The following SNAPC3 variants were observed in gnomAD, a reference collection of about 807,000 sequenced individuals.
SNAPC3 encodes snRNA-activating protein complex subunit 3.
A neutral mutation model predicts 47.7 loss-of-function variants in SNAPC3; 56 were observed. The ratio of observed to expected loss-of-function variants is 1.18; its 90% CI spans 0.95 to 1.47. SNAPC3 has a LOEUF of 1.47. SNAPC3 is among the 40% of genes most tolerant of loss of function. The pLI is 0.00. For synonymous variants in SNAPC3, 235 were observed against 189.9 expected (o/e 1.24, Z -1.95); for missense variants, 665 against 511.3 (o/e 1.30, Z -2.90).
intron 5 of SNAPC3, among the ~76,000 whole-genome samples, chr9:15,448,736 T>C (rs2034134434): frequency 6.6e-6 from 1 of 152,228 alleles, no homozygotes; most frequent in Non-Finnish European, 1.5e-5. Context: ...GCCATCTCAG[T>C]GCTTTTGGAG....
chr9:15,438,752 T>C (rs2033055018), intron 3 of SNAPC3, among the ~76,000 whole-genome samples: 1 of 152,184 alleles, frequency 6.6e-6, no homozygotes, highest in African/African-American at 2.4e-5. Flanking sequence ...TTTAATTTTT[T>C]TTAATTTAAG....
chr9:15,431,373 T>C (rs1284135921), intron 2 of SNAPC3, among the ~76,000 whole-genome samples: 1 of 152,200 alleles, frequency 6.6e-6, no homozygotes, highest in Admixed American at 6.5e-5. Flanking sequence ...CTGTTTGCTA[T>C]TATTCTATAC....
rs1282453548 is a variant in SNAPC3 at position 15,423,052 on chromosome 9, C to T, written c.173C>T (p.Ala58Val). Residue 58 changes from alanine (A) to valine (V), a missense_variant, in exon 1 of 9, where the codon GCC becomes GTC. By Grantham distance (64) the Ala-to-Val change is moderately conservative. Coordinates refer to ENST00000380821, the MANE Select transcript of SNAPC3 (RefSeq NM_001039697.2). ...GELWRGRLRG[A>V]GDLSLREPPA... ...CTGTGGCGGGGCCGTCTGCGCGGGGCCGGGGACTTGTCGCTGAGGGAGCCG... is the reference window on the plus strand; with the variant it reads ...CTGTGGCGGGGCCGTCTGCGCGGGGTCGGGGACTTGTCGCTGAGGGAGCCG... 1.3e-6 allele frequency: 2 copies of T among 1,517,576 alleles called. No individual in the cohort carries two copies. The highest frequency in any genetic ancestry group is 1.8e-6 in the Non-Finnish European group (2 of 1,140,632). 94.0% of individuals were successfully genotyped at this position (1,517,576 alleles called of 1,614,324 possible).
chr9:15,428,292 T>C (rs998393604), intron 2 of SNAPC3, among the ~76,000 whole-genome samples: 4 of 151,850 alleles, frequency 2.6e-5, no homozygotes, highest in African/African-American at 9.7e-5. Context: ...AATCAGGAAA[T>C]AACTGTTTAT....
chr9:15,464,741 A>G (rs1030110753), downstream of SNAPC3: 12 of 204,534 alleles, frequency 5.9e-5, no homozygotes, highest in South Asian at 9.4e-4. Context: ...GCCTGCCTAT[A>G]AAAGGACCTT....
chr9:15,443,051 A>G (rs906945317), intron 3 of SNAPC3, among the ~76,000 whole-genome samples: 2 of 152,208 alleles, frequency 1.3e-5, no homozygotes, highest in African/African-American at 2.4e-5. Context: ...CGCACCCGCA[A>G]TCCCAGGCAC....
intron 3 of SNAPC3, among the ~76,000 whole-genome samples, chr9:15,441,294 T>A (rs1250399648): frequency 6.6e-6 from 1 of 151,746 alleles, no homozygotes; most frequent in East Asian, 1.9e-4. Context: ...GTAGTTCTAC[T>A]TTTAATTTTT....
At chr9:15,435,762 T>A (rs1363208129) in intron 3 of SNAPC3, among the ~76,000 whole-genome samples, 1 of 151,590 alleles carries the variant, frequency 6.6e-6, no homozygotes, top group East Asian at 1.9e-4. Context: ...TTGTATATTC[T>A]GGATTCTAGA....
rs1224903637 is a variant in SNAPC3 at position 15,459,718 on chromosome 9, G to A, written c.1089-1G>A. On this transcript the variant is annotated splice_acceptor_variant, in intron 8 of 8. Transcript: ENST00000380821. LOFTEE classifies it high-confidence loss of function. The stretch of plus-strand genomic sequence containing the variant: ...TGTACTTCTTTTTTTAAAAACTACA[G>A]ATGGGTGACGAACAATGACAGTTTT... 2.5e-6 allele frequency: 4 copies of A among 1,611,634 alleles called. No homozygotes were observed. The Admixed American group carries it at 6.7e-5, about 27-fold the overall frequency.
intron 6 of SNAPC3, among the ~76,000 whole-genome samples, chr9:15,452,688 C>T (rs552724584): frequency 1.2e-4 from 18 of 152,228 alleles, no homozygotes; most frequent in Non-Finnish European, 2.4e-4. Flanking sequence ...ATAACTATCA[C>T]TATTTATAAT....
intron 5 of SNAPC3, among the ~76,000 whole-genome samples, chr9:15,448,261 G>A (rs1015634469): frequency 2.0e-5 from 3 of 151,916 alleles, no homozygotes; most frequent in African/African-American, 7.3e-5. Flanking sequence ...TCCCTAGGCT[G>A]ACATATAAGG....
At chr9:15,433,993 T>A (rs2032492345) in intron 3 of SNAPC3, among the ~76,000 whole-genome samples, 1 of 152,220 alleles carries the variant, frequency 6.6e-6, no homozygotes, top group East Asian at 1.9e-4. Context: ...TGTAAAACTT[T>A]GGGAAAATTT....
chr9:15,437,069 C>T (rs1332197938), intron 3 of SNAPC3, among the ~76,000 whole-genome samples: 1 of 152,024 alleles, frequency 6.6e-6, no homozygotes, highest in African/African-American at 2.4e-5. Context: ...AGGTGATCCG[C>T]CTGCCTCGGC....
At chr9:15,451,486 C>A in intron 6 of SNAPC3, 84 bp downstream of exon 6, 2 of 553,768 alleles carry the variant, frequency 3.6e-6, no homozygotes, top group East Asian at 2.9e-5. Flanking sequence ...TATTATTGGC[C>A]TATTAAGGAC....
rs773731960 is a variant in SNAPC3, at chr9:15,433,548, A to G, written c.393-4A>G. The G allele has an allele frequency of 3.8e-6, 6 of 1,572,832 alleles. No individual in the cohort carries two copies. Among genetic ancestry groups the G allele is most frequent in the Admixed American group, 1.7e-5 (1 of 57,192 alleles). On this transcript the variant is annotated splice_polypyrimidine_tract_variant and splice_region_variant and intron_variant, in intron 2 of 8. Coordinates refer to ENST00000380821, the MANE Select transcript of SNAPC3 (RefSeq NM_001039697.2). ...TTTTTTTTTTTCTTTTACATCTACAACAGGGTTAGAAAAAGGTTCTTGGAA... is the reference window on the plus strand; with the variant it reads ...TTTTTTTTTTTCTTTTACATCTACAGCAGGGTTAGAAAAAGGTTCTTGGAA...
At position 15,434,873 on chromosome 9, in the gene SNAPC3, T is replaced by A. The variant is rs542379093; in HGVS notation, c.477+1237T>A. Among the ~76,000 whole-genome samples, 7 of 152,360 alleles carry A rather than the reference T, an allele frequency of 4.6e-5. No individual in the cohort carries two copies. The East Asian group carries it at 1.3e-3, about 29-fold the overall frequency. ...TTGGGTTCTTTTATCTTTTGGCTAT[T>A]GCGAATAATGCTGCTATGAAAATTG... On this transcript the variant is annotated intron_variant, in intron 3 of 8. Transcript: ENST00000380821.
In SNAPC3 at chr9:15,447,122, A is replaced by G. The variant is rs374540261; in HGVS notation, c.610A>G (p.Met204Val). 241 of 1,614,154 alleles carry G rather than the reference A, an allele frequency of 1.5e-4. 1 individual carries two copies. In the South Asian group the frequency reaches 1.6e-3, roughly 11 times the overall value. Residue 204 changes from methionine (M) to valine (V), a missense_variant, in exon 5 of 9, where the codon ATG becomes GTG. By Grantham distance (21) the Met-to-Val change is conservative. Transcript: ENST00000380821. ...CAAAGAACACAAACCATACCAAACAATGCTGGTGTTGGGCAGTCAAAAACT... is the reference window on the plus strand; with the variant it reads ...CAAAGAACACAAACCATACCAAACAGTGCTGGTGTTGGGCAGTCAAAAACT... ...KHKEHKPYQT[M>V]LVLGSQKLTQ...
intron 3 of SNAPC3, among the ~76,000 whole-genome samples, chr9:15,439,673 T>C (rs980189737): frequency 6.6e-6 from 1 of 152,126 alleles, no homozygotes; most frequent in African/African-American, 2.4e-5. Context: ...TAGCTGGAAC[T>C]ACAAGCACCC....
Position 15,459,825 on chromosome 9 carries a change from T to C in SNAPC3, c.1195T>C (p.Phe399Leu), listed in dbSNP as rs560953219. 6.2e-6 allele frequency: 10 copies of C among 1,613,842 alleles called. No individual in the cohort carries two copies. In the South Asian group the frequency reaches 9.9e-5, roughly 16 times the overall value. The change falls in exon 9 of 9, where the codon TTC becomes CTC. Residue 399 changes from phenylalanine to leucine, a missense_variant. Transcript: ENST00000380821. ...YDSEGNKLGEFLAYPYVDPGT... is the reference protein window; with the variant it reads ...YDSEGNKLGELLAYPYVDPGT... Reference sequence around the variant, plus strand: ...TTCAGAAGGCAACAAACTGGGGGAATTCCTTGCTTATCCTTATGTTGATCC... The same window carrying C: ...TTCAGAAGGCAACAAACTGGGGGAACTCCTTGCTTATCCTTATGTTGATCC...
Sources: allele counts gnomAD v4.1 joint callset (sites outside exome capture counted in the v4.1 genomes callset), GRCh38; gene constraint gnomAD v4.1.1; transcripts MANE v1.5; gene names NCBI Gene and HGNC (gene_info 2026-07-23, HGNC 2026-07-21).